Variants in DNM3 observed in about 807,000 individuals in gnomAD.
The protein encoded by DNM3 is dynamin 3.
DNM3 carries 47 observed loss-of-function variants against 101.6 expected under a neutral mutation model. The observed-to-expected ratio is 0.46, with a 90% confidence interval of 0.37 to 0.59. The LOEUF is 0.59. DNM3 is among the 20% of genes least tolerant of loss of function. DNM3 has a pLI of 0.00. For synonymous variants in DNM3, 385 were observed against 387.9 expected (o/e 0.99, Z 0.09); for missense variants, 849 against 1,085.7 (o/e 0.78, Z 3.06).
At chr1:172,144,881 TG>T in intron 14 of DNM3, 1 of 261,256 alleles carries the variant, frequency 3.8e-6, no homozygotes. Flanking sequence ...GATGTCACCC[TG>T]GGGAGGTTTG....
At chr1:172,078,331 A>G (rs1435323782) in intron 11 of DNM3, among the ~76,000 whole-genome samples, 1 of 152,086 alleles carries the variant, frequency 6.6e-6, no homozygotes, top group Non-Finnish European at 1.5e-5. Flanking sequence ...TCACCTTGTG[A>G]TCTGCCCGCC....
chr1:171,988,495 G>T (rs1376367962), intron 3 of DNM3, among the ~76,000 whole-genome samples: 3 of 151,854 alleles, frequency 2.0e-5, no homozygotes, highest in Non-Finnish European at 2.9e-5. Flanking sequence ...ACCACGAATG[G>T]CTAACAGCTT....
At chr1:171,978,548 C>T (rs1558362608) in intron 2 of DNM3, among the ~76,000 whole-genome samples, 1 of 152,094 alleles carries the variant, frequency 6.6e-6, no homozygotes, top group Admixed American at 6.6e-5. Context: ...CAGACTGTAT[C>T]GGACTTTGTA....
chr1:171,842,929 A>T (rs1465708141), intron 1 of DNM3, among the ~76,000 whole-genome samples: 1 of 152,250 alleles, frequency 6.6e-6, no homozygotes, highest in Non-Finnish European at 1.5e-5. Flanking sequence ...ATAGAAAACC[A>T]GGTAGAAATG....
chr1:172,178,961 A>T (rs180964317), intron 14 of DNM3, among the ~76,000 whole-genome samples: 1 of 152,054 alleles, frequency 6.6e-6, no homozygotes, highest in East Asian at 1.9e-4. Context: ...ATCCTCCTCT[A>T]GTCTAAAATA....
chr1:172,154,884 G>T (rs1001296241), intron 14 of DNM3, among the ~76,000 whole-genome samples: 2 of 152,028 alleles, frequency 1.3e-5, no homozygotes, highest in East Asian at 1.9e-4. Context: ...AGCAAGAAAA[G>T]GCTCTTTTCT....
chr1:172,321,345 A>G (rs1458792543), intron 16 of DNM3, among the ~76,000 whole-genome samples: 4 of 152,184 alleles, frequency 2.6e-5, no homozygotes, highest in African/African-American at 7.2e-5. Flanking sequence ...CCCCCAACAC[A>G]TAACTTTGTT....
chr1:171,984,126 C>A (rs1354084868), intron 2 of DNM3, among the ~76,000 whole-genome samples: 1 of 152,136 alleles, frequency 6.6e-6, no homozygotes, highest in Admixed American at 6.5e-5. Flanking sequence ...AACCACTCAT[C>A]ACCACCCCAC....
Position 172,388,730 on chromosome 1 carries a change from T to G in DNM3, c.2443T>G (p.Phe815Val). ...ATTCCGTCCAGGCCCATTACCTCCTTTCCCCAGCAGCAGTGACTCCTTCGG... is the reference window on the plus strand; with the variant it reads ...ATTCCGTCCAGGCCCATTACCTCCTGTCCCCAGCAGCAGTGACTCCTTCGG... The part of the protein sequence containing the change: ...VPFRPGPLPP[F>V]PSSSDSFGAP... Residue 815 changes from phenylalanine to valine, a missense_variant, in exon 20 of 21, where the codon TTC becomes GTC. Around this residue, in one of 5 missense-constraint regions of DNM3, gnomAD observed 256 missense variants for 311.7 expected, o/e 0.82. Transcript: ENST00000627582. 1 of 1,613,296 alleles carries G rather than the reference T, an allele frequency of 6.2e-7. No homozygotes were observed. The highest frequency in any genetic ancestry group is 8.5e-7 in the Non-Finnish European group (1 of 1,179,628).
intron 13 of DNM3, among the ~76,000 whole-genome samples, chr1:172,116,852 A>T (rs2055935494): frequency 6.6e-6 from 1 of 152,112 alleles, no homozygotes; most frequent in African/African-American, 2.4e-5. Flanking sequence ...TGTCTCTCTT[A>T]AATAGCATTT....
chr1:172,129,236 C>A (rs2056803468), intron 13 of DNM3, among the ~76,000 whole-genome samples: 1 of 152,120 alleles, frequency 6.6e-6, no homozygotes, highest in Non-Finnish European at 1.5e-5. Flanking sequence ...TGATCATTTA[C>A]TCTATGGAAA....
intron 2 of DNM3, among the ~76,000 whole-genome samples, chr1:171,980,339 T>C (rs2044695310): frequency 6.6e-6 from 1 of 152,140 alleles, no homozygotes. Flanking sequence ...ATAATAATTG[T>C]ACATATTTAT....
chr1:172,307,554 A>G lies in DNM3; in HGVS notation c.1770-1174A>G, dbSNP rs186616182. On this transcript the variant is annotated intron_variant, in intron 15 of 20. Transcript: ENST00000627582. ...TACCCGAAGGATCATAAATCATGCT[A>G]CTATAAAGACACACGCACACGTATG... 4.6e-5 allele frequency among the ~76,000 whole-genome samples: 7 copies of G among 152,290 alleles called. No individual in the cohort carries two copies. In the East Asian group the frequency reaches 1.3e-3, roughly 29 times the overall value.
At chr1:172,055,173 C>T (rs1033797219) in intron 10 of DNM3, among the ~76,000 whole-genome samples, 2 of 152,046 alleles carry the variant, frequency 1.3e-5, no homozygotes, top group African/African-American at 4.8e-5. Flanking sequence ...AACTCATCTT[C>T]TCCCCTTTCT....
chr1:172,124,386 G>T (rs1243835819), intron 13 of DNM3, among the ~76,000 whole-genome samples: 3 of 152,208 alleles, frequency 2.0e-5, no homozygotes, highest in East Asian at 1.9e-4. Flanking sequence ...TCAGGAATTT[G>T]CAGGGACCAC....
chr1:172,164,227 C>CTTTTTTTTTTTTTTTTTTTTTTTTT (rs1165249284), intron 14 of DNM3, among the ~76,000 whole-genome samples: 1 of 102,524 alleles, frequency 9.8e-6, no homozygotes, highest in Middle Eastern at 5.3e-3. Flanking sequence ...ATTTTCTTTT[C>CTTTTTTTTTTTTTTTTTTTTTTTTT]TTTTCTTTTT....
chr1:171,953,352 A>T (rs940340476), intron 2 of DNM3, among the ~76,000 whole-genome samples: 1 of 151,874 alleles, frequency 6.6e-6, no homozygotes, highest in Admixed American at 6.6e-5. Flanking sequence ...ACTTTTCATG[A>T]TATCAGTTAT....
chr1:172,306,142 C>T (rs1316125513), intron 15 of DNM3, among the ~76,000 whole-genome samples: 1 of 152,176 alleles, frequency 6.6e-6, no homozygotes, highest in African/African-American at 2.4e-5. Context: ...CCCATCATCT[C>T]AGCCCAAAAT....
intron 16 of DNM3, among the ~76,000 whole-genome samples, chr1:172,314,083 T>A (rs2065201851): frequency 6.6e-6 from 1 of 152,134 alleles, no homozygotes; most frequent in African/African-American, 2.4e-5. Context: ...GAAATACTGT[T>A]TGACTCAGCA....
Sources: allele counts gnomAD v4.1 joint callset (sites outside exome capture counted in the v4.1 genomes callset), GRCh38; gene constraint gnomAD v4.1.1; regional missense constraint gnomAD v4.1.1; transcripts MANE v1.5; gene names NCBI Gene and HGNC (gene_info 2026-07-23, HGNC 2026-07-21).